The following ACVR2A variants were observed in gnomAD, a reference collection of about 807,000 sequenced individuals.
ACVR2A encodes the protein activin receptor type-2A.
In ACVR2A, 7 loss-of-function variants were observed where a neutral mutation model predicts 61.4. The observed-to-expected ratio is 0.11, with a 90% CI of 0.06 to 0.21. The LOEUF is 0.21. Ranked by LOEUF, ACVR2A falls within the 10% of genes least tolerant of loss-of-function variation. The pLI, the probability that ACVR2A is intolerant of heterozygous loss-of-function variation, is 1.00. For missense variants in ACVR2A, 322 were observed against 621.7 expected, an observed-to-expected ratio of 0.52 and a Z score of 5.13; for synonymous variants, 193 against 208.3, an observed-to-expected ratio of 0.93 and a Z score of 0.63.
At chr2:147,901,922 G>T (rs1368672646) in intron 4 of ACVR2A, among the ~76,000 whole-genome samples, 1 of 151,890 alleles carries the variant, frequency 6.6e-6, no homozygotes, top group Non-Finnish European at 1.5e-5. Flanking sequence ...AGACCACTTC[G>T]TGGCCATCAT....
At chr2:147,914,793 A>G (rs1352443232) in intron 4 of ACVR2A, among the ~76,000 whole-genome samples, 1 of 152,012 alleles carries the variant, frequency 6.6e-6, no homozygotes, top group African/African-American at 2.4e-5. Flanking sequence ...ATATATAGTC[A>G]TAATTTGCTG....
intron 1 of ACVR2A, among the ~76,000 whole-genome samples, chr2:147,891,607 G>GT (rs1321318654): frequency 6.6e-6 from 1 of 151,874 alleles, no homozygotes; most frequent in African/African-American, 2.4e-5. Flanking sequence ...TTTGTGAGTT[G>GT]TAAAAACTAC....
chr2:147,863,942 T>C (rs1215919456), intron 1 of ACVR2A, among the ~76,000 whole-genome samples: 1 of 152,212 alleles, frequency 6.6e-6, no homozygotes, highest in Non-Finnish European at 1.5e-5. Flanking sequence ...GATTATACCT[T>C]GACTCAGAGA....
At chr2:147,844,517 A>C (rs1343989176), upstream of ACVR2A, 1 of 147,560 alleles carries the variant, frequency 6.8e-6, no homozygotes, top group Non-Finnish European at 1.5e-5. Flanking sequence ...GGCGGAGGCC[A>C]GGAGACCGAA....
chr2:147,845,318 G>A, intron 1 of ACVR2A, 111 bp downstream of exon 1: 1 of 717,198 alleles, frequency 1.4e-6, no homozygotes, highest in Non-Finnish European at 2.0e-6. Flanking sequence ...TGGGGAGGTT[G>A]CCCACTCCCT....
chr2:147,912,972 T>C (rs114495424), intron 4 of ACVR2A, among the ~76,000 whole-genome samples: 4 of 152,004 alleles, frequency 2.6e-5, no homozygotes, highest in African/African-American at 2.4e-5. Flanking sequence ...GAATAAATTA[T>C]AGTAGGAGGG....
intron 8 of ACVR2A, among the ~76,000 whole-genome samples, chr2:147,921,135 G>A (rs1687370018): frequency 6.6e-6 from 1 of 152,106 alleles, no homozygotes; most frequent in Admixed American, 6.6e-5. Context: ...CCAAGTTCAA[G>A]TGATTCTCCT....
chr2:147,875,282 T>C (rs911777975), intron 1 of ACVR2A, among the ~76,000 whole-genome samples: 4 of 151,906 alleles, frequency 2.6e-5, no homozygotes, highest in African/African-American at 7.2e-5. Flanking sequence ...CAATTAATGA[T>C]AAAACCAACC....
intron 1 of ACVR2A, among the ~76,000 whole-genome samples, chr2:147,884,950 A>T (rs568756335): frequency 6.6e-6 from 1 of 152,078 alleles, no homozygotes; most frequent in Non-Finnish European, 1.5e-5. Flanking sequence ...CTGTAGTCCA[A>T]TGAGGGCAGT....
At chr2:147,886,079 A>G (rs192173076) in intron 1 of ACVR2A, among the ~76,000 whole-genome samples, 4 of 152,284 alleles carry the variant, frequency 2.6e-5, no homozygotes, top group Admixed American at 1.3e-4. Flanking sequence ...GATTGATGCC[A>G]TGAAAGATTG....
chr2:147,860,757 C>T (rs1685707282), intron 1 of ACVR2A, among the ~76,000 whole-genome samples: 1 of 152,142 alleles, frequency 6.6e-6, no homozygotes, highest in Non-Finnish European at 1.5e-5. Context: ...TGTTCATCTT[C>T]CCCAGGCCGA....
At position 147,883,340 on chromosome 2, in the gene ACVR2A, G is replaced by A. The variant is rs544000066; in HGVS notation, c.56-12961G>A. ...CGAGTAGCTGGGATTATAGGCGCAC[G>A]CTACCACACCCAGCTAATTTTTGTA... On this transcript the variant is annotated intron_variant, in intron 1 of 10. Transcript: ENST00000241416. Among the ~76,000 whole-genome samples, 4 of 152,204 alleles carry A rather than the reference G, an allele frequency of 2.6e-5. No homozygotes were observed. The South Asian group carries it at 8.3e-4, about 32-fold the overall frequency.
rs890119377 is a variant in ACVR2A, at chr2:147,927,311, C to T, written c.*37C>T. Reference sequence around the variant, plus strand: ...TCTGTGCACACTAAGAAATGGGACTCTGAACTGGAGCTGCTAAGCTAAAGA... The same window carrying T: ...TCTGTGCACACTAAGAAATGGGACTTTGAACTGGAGCTGCTAAGCTAAAGA... On this transcript the variant is annotated 3_prime_UTR_variant, in exon 11 of 11. Coordinates refer to ENST00000241416, the MANE Select transcript of ACVR2A (RefSeq NM_001616.5). 2 of 1,563,780 alleles carry T rather than the reference C, an allele frequency of 1.3e-6. No homozygotes were observed. Among genetic ancestry groups the T allele is most frequent in the Non-Finnish European group, 8.7e-7 (1 of 1,153,778 alleles).
intron 9 of ACVR2A, among the ~76,000 whole-genome samples, chr2:147,923,419 T>A (rs1687432964): frequency 6.6e-6 from 1 of 152,020 alleles, no homozygotes; most frequent in South Asian, 2.1e-4. Context: ...TGCAGAGAAA[T>A]TAAGTAGTTT....
At chr2:147,908,115 A>C (rs1301882273) in intron 4 of ACVR2A, among the ~76,000 whole-genome samples, 2 of 152,082 alleles carry the variant, frequency 1.3e-5, no homozygotes, top group Admixed American at 1.3e-4. Flanking sequence ...AACTACATTT[A>C]AAATAGTTTT....
chr2:147,852,620 T>C (rs575341281), intron 1 of ACVR2A, among the ~76,000 whole-genome samples: 15 of 152,194 alleles, frequency 9.9e-5, no homozygotes, highest in African/African-American at 3.6e-4. Flanking sequence ...TAAGGTCTTC[T>C]CTCTTTTGGA....
In ACVR2A at chr2:147,928,958, T is replaced by C. The variant is rs185295528; in HGVS notation, c.*1684T>C. On this transcript the variant is annotated 3_prime_UTR_variant, in exon 11 of 11. Coordinates refer to ENST00000241416, the MANE Select transcript of ACVR2A (RefSeq NM_001616.5). The stretch of plus-strand genomic sequence containing the variant: ...TTACATGTCACTGTCAGGAGCTCAC[T>C]GTGAATGTGTTGTCTTCAAATGGTT... 148 of 152,584 alleles carry C rather than the reference T, an allele frequency of 9.7e-4. No individual in the cohort carries two copies. The highest frequency in any genetic ancestry group is 3.7e-4 in the Non-Finnish European group (25 of 67,940). 9.5% of individuals were successfully genotyped at this position (152,584 alleles called of 1,614,324 possible).
Position 147,862,313 on chromosome 2 carries a change from T to G in ACVR2A, c.55+17106T>G, listed in dbSNP as rs138986566. ...TTTTTTTTTGGAGTAGGGGTCTTGC[T>G]TGGCTAGCTTGATGTTGTAACTATA... On this transcript the variant is annotated intron_variant, in intron 1 of 10. Transcript: ENST00000241416. Among the ~76,000 whole-genome samples the G allele has an allele frequency of 5.3e-3, 804 of 152,234 alleles. 6 individuals are homozygous for G. The highest frequency in any genetic ancestry group is 0.018 in the African/African-American group (741 of 41,536).
chr2:147,926,992 A>G (rs1177344360), intron 10 of ACVR2A, 88 bp from the exon 11 acceptor site: 1 of 1,270,320 alleles, frequency 7.9e-7, no homozygotes, highest in Non-Finnish European at 1.1e-6. Context: ...ACCCAGAAAA[A>G]TAGCCATTTC....
Sources: allele counts gnomAD v4.1 joint callset (sites outside exome capture counted in the v4.1 genomes callset), GRCh38; gene constraint gnomAD v4.1.1; transcripts MANE v1.5; gene names NCBI Gene and HGNC (gene_info 2026-07-23, HGNC 2026-07-21).